The following CORO1C variants were observed in gnomAD, a reference collection of about 807,000 sequenced individuals.
The protein encoded by CORO1C is coronin 1C.
In CORO1C, 14 loss-of-function variants were observed where a neutral mutation model predicts 51.2. The ratio of observed to expected loss-of-function variants is 0.27; its 90% CI spans 0.18 to 0.43. The LOEUF (loss-of-function observed/expected upper bound fraction) is 0.43, where lower values mean the gene tolerates loss of function less well. Among genes scored for constraint, CORO1C ranks in the 20% least tolerant of loss-of-function variants. The probability of loss-of-function intolerance (pLI) is 1.00; values close to 1 mark genes in which losing one functional copy is unlikely to be tolerated. For synonymous variants in CORO1C, 181 were observed against 210.5 expected (o/e 0.86, Z 1.21); for missense variants, 417 against 607.8 (o/e 0.69, Z 3.30).
intron 8 of CORO1C, 88 bp from the exon 9 acceptor site, chr12:108,649,108 C>T (rs2032524499): frequency 8.8e-6 from 13 of 1,480,098 alleles, no homozygotes; most frequent in African/African-American, 1.4e-5. Context: ...ACAATGCTGT[C>T]TGAAATGTCA....
At chr12:108,718,091 C>T (rs1177397782) in intron 1 of CORO1C, among the ~76,000 whole-genome samples, 3 of 152,176 alleles carry the variant, frequency 2.0e-5, no homozygotes, top group Non-Finnish European at 2.9e-5. Flanking sequence ...TGGTGGCTCA[C>T]GCCTGTAATC....
At chr12:108,698,709 A>C (rs2034770586) in intron 2 of CORO1C, among the ~76,000 whole-genome samples, 1 of 152,248 alleles carries the variant, frequency 6.6e-6, no homozygotes, top group African/African-American at 2.4e-5. Context: ...GCCCGGCCAG[A>C]AAATAACTTT....
chr12:108,674,341 G>A (rs2033825771), intron 3 of CORO1C, among the ~76,000 whole-genome samples: 1 of 152,184 alleles, frequency 6.6e-6, no homozygotes, highest in Non-Finnish European at 1.5e-5. Context: ...GAGATCAGGA[G>A]ATGGAGACCA....
intron 1 of CORO1C, among the ~76,000 whole-genome samples, chr12:108,723,918 C>A (rs2035530525): frequency 6.6e-6 from 1 of 152,162 alleles, no homozygotes; most frequent in African/African-American, 2.4e-5. Context: ...CAAGACAAAT[C>A]TTTAAAACCA....
At chr12:108,724,283 C>A (rs1427233638) in intron 1 of CORO1C, among the ~76,000 whole-genome samples, 2 of 152,214 alleles carry the variant, frequency 1.3e-5, no homozygotes, top group Admixed American at 6.5e-5. Context: ...AACTGCTGCA[C>A]TGGGTCAAAG....
intron 2 of CORO1C, among the ~76,000 whole-genome samples, chr12:108,688,752 C>A (rs938786944): frequency 6.6e-6 from 1 of 151,360 alleles, no homozygotes; most frequent in Non-Finnish European, 1.5e-5. Flanking sequence ...ACTAAAAATA[C>A]AGGCCGGGCA....
Position 108,662,064 on chromosome 12 carries a change from C to T in CORO1C, c.413G>A (p.Trp138Ter). 6.2e-7 allele frequency: 1 copy of T among 1,614,182 alleles called. No individual in the cohort carries two copies. The highest frequency in any genetic ancestry group is 8.5e-7 in the Non-Finnish European group (1 of 1,180,036). ...GHSKRVGIVAWHPTARNVLLS... is the reference protein window; with the variant it reads ...GHSKRVGIVA Reference sequence around the variant, plus strand: ...AAGCACATTGCGGGCCGTTGGATGCCAAGCCACGATGCCGACTCTCTTTGA... The same window carrying T: ...AAGCACATTGCGGGCCGTTGGATGCTAAGCCACGATGCCGACTCTCTTTGA... Residue 138 changes from tryptophan (W) to a stop codon, truncating the protein, a stop_gained, in exon 4 of 11, where the codon TGG becomes TAG. Coordinates refer to ENST00000261401, the MANE Select transcript of CORO1C (RefSeq NM_014325.4). LOFTEE classifies it high-confidence loss of function.
rs548098399 is a variant in CORO1C at position 108,679,356 on chromosome 12, T to C, written c.196-962A>G. ...CTGATTAAGAATAAAATGCTTAATG[T>C]TGGTCATAAATAGCTACCACAATTT... On this transcript the variant is annotated intron_variant, in intron 2 of 10. Transcript: ENST00000261401. Among the ~76,000 whole-genome samples the C allele has an allele frequency of 5.9e-5, 9 of 152,218 alleles. 2 individuals carry two copies. In the South Asian group the frequency reaches 1.9e-3, roughly 32 times the overall value.
chr12:108,702,713 C>T, intron 1 of CORO1C: 1 of 1,376,846 alleles, frequency 7.3e-7, no homozygotes, highest in African/African-American at 1.5e-5. Flanking sequence ...TTGCTAATTC[C>T]TTTCCTCTAA....
intron 1 of CORO1C, among the ~76,000 whole-genome samples, chr12:108,719,022 G>C (rs2035409668): frequency 6.6e-6 from 1 of 152,186 alleles, no homozygotes; most frequent in African/African-American, 2.4e-5. Context: ...AATATTCTAA[G>C]AGCAAATACT....
chr12:108,667,515 A>T (rs566802467), intron 3 of CORO1C, among the ~76,000 whole-genome samples: 1 of 152,310 alleles, frequency 6.6e-6, no homozygotes, highest in South Asian at 2.1e-4. Flanking sequence ...CTTAATTTAA[A>T]TAATGCTGTG....
intron 1 of CORO1C, among the ~76,000 whole-genome samples, chr12:108,715,814 G>C (rs2035316629): frequency 6.6e-6 from 1 of 152,010 alleles, no homozygotes; most frequent in African/African-American, 2.4e-5. Flanking sequence ...TTATAGACAT[G>C]AGTGACCTAG....
rs140444818 is a variant in CORO1C at position 108,678,443 on chromosome 12, C to T, written c.196-49G>A. ...TATTATGTAATATCAACACCACAGA[C>T]GTTATACATTTTCTCAGGCCCATTT... is the stretch of plus-strand genomic sequence containing the variant. On this transcript the variant is annotated intron_variant, in intron 2 of 10. Coordinates refer to ENST00000261401, the MANE Select transcript of CORO1C (RefSeq NM_014325.4). 4.2e-4 allele frequency: 593 copies of T among 1,414,726 alleles called. 2 individuals carry two copies. The African/African-American group carries it at 7.7e-3, about 18-fold the overall frequency. The allele number at this position is 1,414,726 out of a possible 1,614,324, so 87.6% of individuals were successfully genotyped here.
At chr12:108,701,547 A>C in intron 1 of CORO1C, 1 of 593,258 alleles carries the variant, frequency 1.7e-6, no homozygotes, top group Admixed American at 3.1e-5. Flanking sequence ...AAAATTCCTA[A>C]TTCAAGATCC....
chr12:108,712,935 T>A (rs944581373), intron 1 of CORO1C, among the ~76,000 whole-genome samples: 11 of 100,114 alleles, frequency 1.1e-4, no homozygotes, highest in Middle Eastern at 6.4e-3. Context: ...AAAAAAAAAA[T>A]CATCATTTCC....
chr12:108,670,840 T>C (rs1039550461), intron 3 of CORO1C, among the ~76,000 whole-genome samples: 1 of 151,610 alleles, frequency 6.6e-6, no homozygotes, highest in Non-Finnish European at 1.5e-5. Flanking sequence ...GAAAACAATA[T>C]ATAAAACATT....
chr12:108,664,558 C>A (rs995222877), intron 3 of CORO1C, among the ~76,000 whole-genome samples: 3 of 152,150 alleles, frequency 2.0e-5, no homozygotes, highest in Non-Finnish European at 4.4e-5. Context: ...TAGAACATCA[C>A]CTAATTTCCC....
chr12:108,658,659 G>A lies in CORO1C; in HGVS notation c.630+79C>T, dbSNP rs753278155. ...CAACAGGGTCCCACTGACCAGTACC[G>A]CTGCCTGCCTTAAAAAGCAGAAAGC... On this transcript the variant is annotated intron_variant, in intron 5 of 10. Coordinates refer to ENST00000261401, the MANE Select transcript of CORO1C (RefSeq NM_014325.4). This position sits in a 1 kb window ranked among gnomAD's most constrained non-coding sequence, Gnocchi z 4.9. 5.1e-5 allele frequency: 75 copies of A among 1,459,722 alleles called. No homozygotes were observed. The highest frequency in any genetic ancestry group is 1.4e-4 in the South Asian group (11 of 81,254). The allele number at this position is 1,459,722 out of a possible 1,614,324, so 90.4% of individuals were successfully genotyped here. A position where few individuals can be genotyped will look rare whatever the true frequency, so the allele number is the denominator to read the frequency against.
At chr12:108,679,130 G>GAAAAAAA (rs2034027068) in intron 2 of CORO1C, among the ~76,000 whole-genome samples, 1 of 50,782 alleles carries the variant, frequency 2.0e-5, no homozygotes, top group Non-Finnish European at 3.7e-5. Flanking sequence ...AAAAAAAAAA[G>GAAAAAAA]AAACAAGAAA....
Sources: gnomAD v4.1 joint callset for allele counts (sites outside exome capture counted in the v4.1 genomes callset) on GRCh38, gnomAD v4.1.1 for gene constraint, Gnocchi (gnomAD v3.1) non-coding constraint, MANE v1.5 for transcripts, NCBI Gene and HGNC (gene_info 2026-07-23, HGNC 2026-07-21) for gene names.